The following CDK13 variants were observed in gnomAD, a reference collection of about 807,000 sequenced individuals.
CDK13 encodes the protein cyclin dependent kinase 13.
In CDK13, 40 loss-of-function variants were observed where a neutral mutation model predicts 137.6. The ratio of observed to expected loss-of-function variants is 0.29; its 90% CI spans 0.23 to 0.38. The LOEUF (loss-of-function observed/expected upper bound fraction) is 0.38. CDK13 is among the 10% of genes least tolerant of loss of function. The pLI, the probability that CDK13 is intolerant of heterozygous loss-of-function variation, is 1.00. For synonymous variants in CDK13, 869 were observed against 760.1 expected (o/e 1.14, Z -2.36); for missense variants, 1,704 against 1,951.8 (o/e 0.87, Z 2.39).
intron 1 of CDK13, among the ~76,000 whole-genome samples, chr7:39,964,473 T>C (rs1222222939): frequency 6.6e-6 from 1 of 151,774 alleles, no homozygotes; most frequent in African/African-American, 2.4e-5. Flanking sequence ...TGATATCCCC[T>C]TTATCATTTT....
chr7:40,064,992 G>T (rs1470689812), intron 9 of CDK13, among the ~76,000 whole-genome samples: 1 of 58,800 alleles, frequency 1.7e-5, no homozygotes, highest in African/African-American at 7.4e-5. Flanking sequence ...TTTTTTTTTT[G>T]GAGACCGGCT....
intron 1 of CDK13, among the ~76,000 whole-genome samples, chr7:39,970,793 T>G (rs1443000632): frequency 6.6e-6 from 1 of 152,190 alleles, no homozygotes; most frequent in East Asian, 1.9e-4. Context: ...GTTTGCATGG[T>G]GTATGTGTGT....
At chr7:39,995,383 T>C (rs978741833) in intron 2 of CDK13, among the ~76,000 whole-genome samples, 2 of 152,332 alleles carry the variant, frequency 1.3e-5, no homozygotes, top group East Asian at 3.9e-4. Flanking sequence ...GACTATAGTT[T>C]CCTAAATAAG....
intron 9 of CDK13, among the ~76,000 whole-genome samples, chr7:40,076,741 T>C (rs1786553121): frequency 6.6e-6 from 1 of 152,230 alleles, no homozygotes; most frequent in African/African-American, 2.4e-5. Flanking sequence ...GTTTCTGAGG[T>C]ATCATTCTAA....
intron 5 of CDK13, among the ~76,000 whole-genome samples, chr7:40,036,714 A>G (rs993369384): frequency 6.6e-6 from 1 of 151,864 alleles, no homozygotes; most frequent in Non-Finnish European, 1.5e-5. Context: ...AAAAAAAAAA[A>G]CAAAAAACTC....
At chr7:39,979,225 T>C (rs1178228686) in intron 1 of CDK13, among the ~76,000 whole-genome samples, 1 of 150,274 alleles carries the variant, frequency 6.7e-6, no homozygotes, top group Non-Finnish European at 1.5e-5. Context: ...TCTTTTTTTT[T>C]TTTTTTTGAG....
intron 5 of CDK13, among the ~76,000 whole-genome samples, chr7:40,006,986 T>C (rs1350156595): frequency 6.6e-6 from 1 of 152,188 alleles, no homozygotes; most frequent in African/African-American, 2.4e-5. Context: ...TAACTCTGCA[T>C]AGTAACAGTA....
At chr7:40,078,673 C>T in intron 10 of CDK13, 47 bp from the exon 11 acceptor site, 1 of 1,251,992 alleles carries the variant, frequency 8.0e-7, no homozygotes, top group Non-Finnish European at 1.1e-6. Flanking sequence ...GAAACATAAG[C>T]TTGTGTCTAA....
chr7:40,031,971 G>A (rs1785390719), intron 5 of CDK13, among the ~76,000 whole-genome samples: 1 of 151,906 alleles, frequency 6.6e-6, no homozygotes, highest in Non-Finnish European at 1.5e-5. Flanking sequence ...ATAGACGTGA[G>A]CCACCATGCC....
At chr7:40,023,540 C>G (rs1785174403) in intron 5 of CDK13, among the ~76,000 whole-genome samples, 1 of 151,192 alleles carries the variant, frequency 6.6e-6, no homozygotes, top group South Asian at 2.1e-4. Context: ...CGCTCTGTCA[C>G]CCGGGCTGGA....
chr7:40,078,893 ATATT>A (rs1354341199), intron 11 of CDK13, 42 bp downstream of exon 11: 3 of 743,726 alleles, frequency 4.0e-6, no homozygotes, highest in South Asian at 8.9e-5. Flanking sequence ...TATTATTATT[ATATT>A]TATTATATTA....
chr7:40,051,735 T>TA (rs1228943592), intron 7 of CDK13, among the ~76,000 whole-genome samples: 2 of 152,220 alleles, frequency 1.3e-5, no homozygotes, highest in Non-Finnish European at 2.9e-5. Context: ...TGGGTGGAGT[T>TA]ACAGCTAGTA....
At chr7:40,036,797 G>C (rs1305935084) in intron 5 of CDK13, among the ~76,000 whole-genome samples, 1 of 151,598 alleles carries the variant, frequency 6.6e-6, no homozygotes, top group East Asian at 1.9e-4. Context: ...AGAGACAATA[G>C]ATAATGAAAT....
chr7:39,973,739 T>C (rs1296543954), intron 1 of CDK13, among the ~76,000 whole-genome samples: 1 of 152,234 alleles, frequency 6.6e-6, no homozygotes, highest in African/African-American at 2.4e-5. Flanking sequence ...CCTACTTTGA[T>C]CCATTTTCAG....
chr7:40,087,546 GT>G (rs35686770), intron 11 of CDK13, among the ~76,000 whole-genome samples: 21,191 of 111,456 alleles, frequency 0.19, 775 homozygotes, highest in Non-Finnish European at 0.23. Context: ...CAATAGTGGT[GT>G]TTTTTTTTTT....
intron 5 of CDK13, among the ~76,000 whole-genome samples, chr7:40,020,840 C>T (rs1235631994): frequency 6.6e-6 from 1 of 152,134 alleles, no homozygotes; most frequent in African/African-American, 2.4e-5. Context: ...CGCCCATAAT[C>T]CCAGCACTTT....
At chr7:40,040,008 G>A (rs572873637) in intron 5 of CDK13, among the ~76,000 whole-genome samples, 1 of 143,564 alleles carries the variant, frequency 7.0e-6, no homozygotes, top group Non-Finnish European at 1.5e-5. Context: ...TGATTCATTT[G>A]CTTTTTTTTT....
At chr7:39,999,630 TG>T in intron 4 of CDK13, 130 bp downstream of exon 4, 6 of 908,552 alleles carry the variant, frequency 6.6e-6, no homozygotes, top group Non-Finnish European at 1.0e-5. Flanking sequence ...TGTTTCATCT[TG>T]TTTTTTTATT....
At chr7:39,983,346 C>A (rs12672040) in intron 1 of CDK13, among the ~76,000 whole-genome samples, 35,149 of 152,026 alleles carry the variant, frequency 0.23, 7,106 homozygotes, top group African/African-American at 0.53. Flanking sequence ...TGATCTTGAT[C>A]TCCTGACCTC....
Sources: allele counts gnomAD v4.1 joint callset (sites outside exome capture counted in the v4.1 genomes callset), GRCh38; gene constraint gnomAD v4.1.1; transcripts MANE v1.5; gene names NCBI Gene and HGNC (gene_info 2026-07-23, HGNC 2026-07-21).